Variants in RIPOR2 observed in about 807,000 individuals in gnomAD.
RIPOR2 encodes the protein rho family-interacting cell polarization regulator 2.
In RIPOR2, 39 loss-of-function variants were observed where a neutral mutation model predicts 114.5. The ratio of observed to expected loss-of-function variants is 0.34; its 90% confidence interval spans 0.26 to 0.44. RIPOR2 has a LOEUF of 0.44. Ranked by LOEUF, RIPOR2 falls within the 20% of genes least tolerant of loss-of-function variation. The pLI, the probability that RIPOR2 is intolerant of heterozygous loss-of-function variation, is 1.00. For synonymous variants in RIPOR2, 445 were observed against 484.4 expected (o/e 0.92, Z 1.07); for missense variants, 1,007 against 1,255.1 (o/e 0.80, Z 2.99).
chr6:24,830,382 G>A, intron 17 of RIPOR2, 127 bp downstream of exon 17: 1 of 694,106 alleles, frequency 1.4e-6, no homozygotes. Context: ...TCTTTTTTCA[G>A]GGATGGCCTT....
chr6:24,850,063 C>A, intron 10 of RIPOR2, 113 bp from the exon 11 acceptor site: 1 of 769,570 alleles, frequency 1.3e-6, no homozygotes, highest in Non-Finnish European at 2.0e-6. Flanking sequence ...AGAATCATAT[C>A]TGAAATCAGA....
chr6:25,023,816 C>T (rs1776456418), intron 1 of RIPOR2: 3 of 755,108 alleles, frequency 4.0e-6, no homozygotes, highest in South Asian at 2.7e-5. Context: ...TTTTTTAACT[C>T]GATCTCGAGG....
At chr6:24,894,980 G>A (rs1241351639) in intron 1 of RIPOR2, among the ~76,000 whole-genome samples, 12 of 152,130 alleles carry the variant, frequency 7.9e-5, no homozygotes, top group Admixed American at 5.9e-4. Context: ...CTTCTAGAAA[G>A]AGCCTAATAT....
intron 1 of RIPOR2, among the ~76,000 whole-genome samples, chr6:25,030,786 C>A (rs957942873): frequency 1.3e-5 from 2 of 150,876 alleles, no homozygotes; most frequent in African/African-American, 4.9e-5. Flanking sequence ...GCAACCTCTG[C>A]CTCTTGTGTT....
chr6:24,952,859 T>A (rs1450565352), intron 1 of RIPOR2, among the ~76,000 whole-genome samples: 1 of 152,190 alleles, frequency 6.6e-6, no homozygotes. Flanking sequence ...AACATACACA[T>A]GTAAATAAGG....
At chr6:24,921,154 ATCTC>A (rs978223945) in intron 1 of RIPOR2, among the ~76,000 whole-genome samples, 3 of 151,446 alleles carry the variant, frequency 2.0e-5, no homozygotes, top group African/African-American at 4.9e-5. Context: ...AACCTCTTAG[ATCTC>A]TCTCTCTCTC....
At chr6:25,010,349 C>A (rs767879718) in intron 1 of RIPOR2, among the ~76,000 whole-genome samples, 2 of 152,080 alleles carry the variant, frequency 1.3e-5, no homozygotes, top group Non-Finnish European at 2.9e-5. Flanking sequence ...ACCCCATGAG[C>A]TCTACAGAGC....
At chr6:24,934,527 C>T (rs1407836702) in intron 1 of RIPOR2, among the ~76,000 whole-genome samples, 1 of 152,156 alleles carries the variant, frequency 6.6e-6, no homozygotes, top group Non-Finnish European at 1.5e-5. Flanking sequence ...GACTAGATTA[C>T]AAGGGGTTCT....
Position 24,927,243 on chromosome 6 carries a change from A to AGTT in RIPOR2, c.61+8594_61+8595insAAC, listed in dbSNP as rs1173181596. ...CTACCACCAGCACCACCACAACTAC[A>AGTT]ATCACCACCACCACCACCACCACAG... On this transcript the variant is annotated intron_variant, in intron 1 of 21. Transcript: ENST00000643898. 7.3e-5 allele frequency among the ~76,000 whole-genome samples: 9 copies of AGTT among 123,346 alleles called. 2 individuals carry two copies. The highest frequency in any genetic ancestry group is 2.6e-4 in the Admixed American group (3 of 11,698). The allele number at this position is 123,346 out of a possible 152,430, so 80.9% of individuals were successfully genotyped here.
At chr6:24,836,987 GA>G (rs1003317276) in intron 14 of RIPOR2, among the ~76,000 whole-genome samples, 1 of 151,978 alleles carries the variant, frequency 6.6e-6, no homozygotes, top group African/African-American at 2.4e-5. Flanking sequence ...ATAGCAAGAA[GA>G]AAAAAAGTTT....
chr6:24,898,033 A>AGAAGGAAGGAAGGAAG (rs374743789), intron 1 of RIPOR2, among the ~76,000 whole-genome samples: 2 of 151,680 alleles, frequency 1.3e-5, no homozygotes, highest in Non-Finnish European at 2.9e-5. Context: ...AAAGAAAGAA[A>AGAAGGAAGGAAGGAAG]GAAGGAAGGA....
rs12110774 is a variant in RIPOR2 at position 24,873,927 on chromosome 6, A to G, written c.189-128T>C. The G allele has an allele frequency of 0.076, 58,647 of 774,712 alleles. 2,691 individuals are homozygous for G. The highest frequency in any genetic ancestry group is 0.16 in the African/African-American group (9,184 of 56,868). 48.0% of individuals were successfully genotyped at this position (774,712 alleles called of 1,614,324 possible). On this transcript the variant is annotated intron_variant, in intron 2 of 21. Coordinates refer to ENST00000643898, the MANE Select transcript of RIPOR2 (RefSeq NM_001286445.3). ...CTTCTTCTGTCATCCAGGCTGGAGT[A>G]TGGTGGTGTGATCATAGCTCACTGC...
intron 19 of RIPOR2, among the ~76,000 whole-genome samples, chr6:24,824,567 A>C (rs1343489927): frequency 6.6e-6 from 1 of 152,226 alleles, no homozygotes; most frequent in African/African-American, 2.4e-5. Flanking sequence ...CAATGTACTT[A>C]AACTACAGAT....
intron 1 of RIPOR2, among the ~76,000 whole-genome samples, chr6:25,021,338 TAAG>T (rs1366398693): frequency 1.3e-5 from 2 of 151,448 alleles, no homozygotes; most frequent in Non-Finnish European, 2.9e-5. Flanking sequence ...AGACCAGCTC[TAAG>T]AAGAAGGATG....
intron 1 of RIPOR2, among the ~76,000 whole-genome samples, chr6:24,970,207 A>G (rs1282997275): frequency 6.6e-6 from 1 of 152,112 alleles, no homozygotes; most frequent in African/African-American, 2.4e-5. Context: ...CATGACAAAC[A>G]GAGACATCTG....
chr6:25,009,684 A>G (rs1775701535), intron 1 of RIPOR2, among the ~76,000 whole-genome samples: 1 of 152,246 alleles, frequency 6.6e-6, no homozygotes, highest in South Asian at 2.1e-4. Context: ...ATGGTGGTCA[A>G]GTTTCAAGCT....
At chr6:24,822,056 G>A (rs1375999984) in intron 19 of RIPOR2, among the ~76,000 whole-genome samples, 1 of 152,198 alleles carries the variant, frequency 6.6e-6, no homozygotes, top group Non-Finnish European at 1.5e-5. Flanking sequence ...GCACCACCTG[G>A]GTGGTGCATG....
intron 1 of RIPOR2, chr6:25,024,343 C>A: frequency 6.9e-7 from 1 of 1,447,624 alleles, no homozygotes; most frequent in Non-Finnish European, 9.7e-7. Context: ...TTCTTCCTGG[C>A]TTCCTCGAAG....
At chr6:25,024,301 T>C in intron 1 of RIPOR2, 1 of 1,525,718 alleles carries the variant, frequency 6.6e-7, no homozygotes, top group Non-Finnish European at 9.1e-7. Context: ...ACATCCTCAA[T>C]GAACACCTTT....
Sources: gnomAD v4.1 joint callset for allele counts (sites outside exome capture counted in the v4.1 genomes callset) on GRCh38, gnomAD v4.1.1 for gene constraint, MANE v1.5 for transcripts, NCBI Gene and HGNC (gene_info 2026-07-23, HGNC 2026-07-21) for gene names.